TELO2: variants seen among roughly 807,000 people sequenced by gnomAD.
The protein encoded by TELO2 is telomere length regulation protein TEL2 homolog.
In TELO2, 71 loss-of-function variants were observed where a neutral mutation model predicts 91.0. The observed-to-expected ratio is 0.78, with a 90% CI of 0.64 to 0.95. TELO2 has a LOEUF of 0.95. TELO2 is among the 40% of genes least tolerant of loss of function. The probability of loss-of-function intolerance (pLI) is 0.00; values close to 1 mark genes in which losing one functional copy is unlikely to be tolerated. For missense variants in TELO2, 1,183 were observed against 1,141.3 expected (o/e 1.04, Z -0.53); for synonymous variants, 584 against 518.9 (o/e 1.13, Z -1.71).
chr16:1,508,760 G>T (rs542680010), intron 20 of TELO2, among the ~76,000 whole-genome samples: 1 of 152,172 alleles, frequency 6.6e-6, no homozygotes, highest in Non-Finnish European at 1.5e-5. Flanking sequence ...ACGAGTCCCC[G>T]GGGACGGGCT....
In TELO2 at chr16:1,505,656, A is replaced by C; in HGVS notation, c.2034+55A>C. The C allele has an allele frequency of 2.1e-6, 3 of 1,436,298 alleles. No individual in the cohort carries two copies. The highest frequency in any genetic ancestry group is 1.9e-6 in the Non-Finnish European group (2 of 1,046,420). 89.0% of individuals were successfully genotyped at this position (1,436,298 alleles called of 1,614,324 possible). A position where few individuals can be genotyped will look rare whatever the true frequency, so the allele number is the denominator to read the frequency against. On this transcript the variant is annotated intron_variant, in intron 16 of 20. Coordinates refer to ENST00000262319, the MANE Select transcript of TELO2 (RefSeq NM_016111.4). The surrounding 1 kb of genome is among the most constrained non-coding windows in gnomAD (Gnocchi z 4.3). ...GCATGGGGACCGTGGGTGGGTGGGAAGGGCGGTCAGACACCTCCAGGCGCT... is the reference window on the plus strand; with the variant it reads ...GCATGGGGACCGTGGGTGGGTGGGACGGGCGGTCAGACACCTCCAGGCGCT...
Position 1,497,554 on chromosome 16 carries a change from G to A in TELO2, c.830+46G>A. ...CCAGCTGCACTGGCTTCTGGGGTCT[G>A]GACCCCCAGAGGCTGCCATTCCTTC... is the stretch of plus-strand genomic sequence containing the variant. On this transcript the variant is annotated intron_variant, in intron 5 of 20. Coordinates refer to ENST00000262319, the MANE Select transcript of TELO2 (RefSeq NM_016111.4). The surrounding 1 kb of genome is among the most constrained non-coding windows in gnomAD (Gnocchi z 4.0). 6.6e-7 allele frequency: 1 copy of A among 1,509,798 alleles called. No homozygotes were observed. The highest frequency in any genetic ancestry group is 1.2e-5 in the South Asian group (1 of 81,636). 93.5% of individuals were successfully genotyped at this position (1,509,798 alleles called of 1,614,324 possible).
intron 19 of TELO2, 66 bp from the exon 20 acceptor site, chr16:1,507,535 C>T (rs2039940823): frequency 1.3e-6 from 2 of 1,508,414 alleles, no homozygotes; most frequent in South Asian, 1.2e-5. Context: ...GTCTGCCACA[C>T]TGAGGGGAGT....
In TELO2 at chr16:1,510,338, C is replaced by T. The variant is rs949974202; in HGVS notation, c.*402C>T. 2.1e-4 allele frequency: 51 copies of T among 240,908 alleles called. 1 individual carries two copies. In the South Asian group the frequency reaches 2.5e-3, roughly 12 times the overall value. The allele number at this position is 240,908 out of a possible 1,614,324, so 14.9% of individuals were successfully genotyped here. Reference sequence around the variant, plus strand: ...GTCCCAGGTCCCTCGGGCTGAGCGCCGTGTCACCAGGAGAATAGTGCTCAC... The same window carrying T: ...GTCCCAGGTCCCTCGGGCTGAGCGCTGTGTCACCAGGAGAATAGTGCTCAC... On this transcript the variant is annotated 3_prime_UTR_variant, in exon 21 of 21. Coordinates refer to ENST00000262319, the MANE Select transcript of TELO2 (RefSeq NM_016111.4).
intron 20 of TELO2, among the ~76,000 whole-genome samples, chr16:1,508,054 C>G (rs2039974960): frequency 1.3e-5 from 2 of 152,164 alleles, no homozygotes; most frequent in African/African-American, 4.8e-5. Flanking sequence ...GGTCCTGATC[C>G]TAGACCCTGT....
Position 1,494,717 on chromosome 16 carries a change from C to A in TELO2, c.335+101C>A. ...GAGCCTCTCTAGTCCCTGTGAGGGGCTAGAGAGAGAGCCTGCTCCTGGCTG... is the reference window on the plus strand; with the variant it reads ...GAGCCTCTCTAGTCCCTGTGAGGGGATAGAGAGAGAGCCTGCTCCTGGCTG... On this transcript the variant is annotated intron_variant, in intron 2 of 20. Transcript: ENST00000262319. The surrounding 1 kb of genome is among the most constrained non-coding windows in gnomAD (Gnocchi z 5.6). 4 of 1,255,726 alleles carry A rather than the reference C, an allele frequency of 3.2e-6. No homozygotes were observed. The highest frequency in any genetic ancestry group is 3.2e-6 in the Non-Finnish European group (3 of 926,814). The allele number at this position is 1,255,726 out of a possible 1,614,324, so 77.8% of individuals were successfully genotyped here. A position where few individuals can be genotyped will look rare whatever the true frequency, so the allele number is the denominator to read the frequency against.
chr16:1,509,658 T>C (rs993219115), intron 20 of TELO2, among the ~76,000 whole-genome samples, 172 bp from the exon 21 acceptor site: 1 of 152,220 alleles, frequency 6.6e-6, no homozygotes, highest in East Asian at 1.9e-4. Flanking sequence ...ACAGAGCCTG[T>C]GGCATGCAGG....
Position 1,504,209 on chromosome 16 carries a change from C to A in TELO2, c.1843-1201C>A, listed in dbSNP as rs191046613. Reference sequence around the variant, plus strand: ...CAGCACTTTGGGAGGCTAAGCCGGGCGGATCATGAGGTCAGGAGTTCAAGA... The same window carrying A: ...CAGCACTTTGGGAGGCTAAGCCGGGAGGATCATGAGGTCAGGAGTTCAAGA... On this transcript the variant is annotated intron_variant, in intron 15 of 20. Transcript: ENST00000262319. Among the ~76,000 whole-genome samples the A allele has an allele frequency of 1.7e-4, 26 of 150,034 alleles. No homozygotes were observed. In the East Asian group the frequency reaches 4.6e-3, roughly 26 times the overall value.
chr16:1,505,301 C>T lies in TELO2; in HGVS notation c.1843-109C>T. On this transcript the variant is annotated intron_variant, in intron 15 of 20. Transcript: ENST00000262319. The surrounding 1 kb of genome is among the most constrained non-coding windows in gnomAD (Gnocchi z 4.3). Reference sequence around the variant, plus strand: ...CTTGTTCCCAGAACACACCTTCTCCCAGGCTGGGCGGGCCCCCGGGCCCGT... The same window carrying T: ...CTTGTTCCCAGAACACACCTTCTCCTAGGCTGGGCGGGCCCCCGGGCCCGT... 7.6e-7 allele frequency: 1 copy of T among 1,320,136 alleles called. No individual in the cohort carries two copies. Among genetic ancestry groups the T allele is most frequent in the Non-Finnish European group, 1.0e-6 (1 of 971,714 alleles). 81.8% of individuals were successfully genotyped at this position (1,320,136 alleles called of 1,614,324 possible). A position where few individuals can be genotyped will look rare whatever the true frequency, so the allele number is the denominator to read the frequency against.
chr16:1,507,550 G>A (rs760750421), intron 19 of TELO2, 51 bp from the exon 20 acceptor site: 2 of 1,525,932 alleles, frequency 1.3e-6, no homozygotes, highest in Non-Finnish European at 1.8e-6. Flanking sequence ...GGGAGTGGGA[G>A]GTCTGGGGTG....
intron 20 of TELO2, 143 bp from the exon 21 acceptor site, chr16:1,509,686 GA>G (rs1303461406): frequency 7.2e-6 from 5 of 698,796 alleles, no homozygotes; most frequent in Non-Finnish European, 1.2e-5. Context: ...GCCGTGGGGA[GA>G]GTCCGGGGTC....
chr16:1,501,328 G>C (rs1287618901), intron 9 of TELO2, 92 bp from the exon 10 acceptor site: 2 of 1,389,808 alleles, frequency 1.4e-6, no homozygotes, highest in Non-Finnish European at 2.0e-6. Context: ...GGCTGCGAGG[G>C]AGGCCACAGT....
chr16:1,497,199 C>A lies in TELO2; in HGVS notation c.682+95C>A. Reference sequence around the variant, plus strand: ...CCGAGAATCCCTCCTGACCCTGGCCCTCTGCAGGGTCCCCTTGCCCGGTCC... The same window carrying A: ...CCGAGAATCCCTCCTGACCCTGGCCATCTGCAGGGTCCCCTTGCCCGGTCC... On this transcript the variant is annotated intron_variant, in intron 4 of 20. Transcript: ENST00000262319. The surrounding 1 kb of genome is among the most constrained non-coding windows in gnomAD (Gnocchi z 4.0). The A allele has an allele frequency of 1.3e-6, 2 of 1,544,354 alleles. No individual in the cohort carries two copies. Among genetic ancestry groups the A allele is most frequent in the South Asian group, 1.2e-5 (1 of 86,096 alleles).
intron 3 of TELO2, among the ~76,000 whole-genome samples, chr16:1,495,853 G>A (rs1313036510): frequency 6.6e-6 from 1 of 152,240 alleles, no homozygotes; most frequent in African/African-American, 2.4e-5. Flanking sequence ...AGTCCCTTGG[G>A]TTTCCAGGGC....
intron 15 of TELO2, among the ~76,000 whole-genome samples, chr16:1,503,549 C>T (rs1455718451): frequency 6.6e-6 from 1 of 152,186 alleles, no homozygotes; most frequent in East Asian, 1.9e-4. Context: ...GACACTGTCT[C>T]AAAGATAATT....
Position 1,495,514 on chromosome 16 carries a change from C to T in TELO2, c.504C>T (p.Gly168=). 6.2e-7 allele frequency: 1 copy of T among 1,611,060 alleles called. No homozygotes were observed. The highest frequency in any genetic ancestry group is 8.5e-7 in the Non-Finnish European group (1 of 1,179,872). ...GKVVALPDHL[G]NRLQQENLAE... is the part of the protein sequence containing the mutation. Reference sequence around the variant, plus strand: ...TGGTGGCCCTGCCCGATCACCTGGGCAACCGCCTGCAGCAGGAGAACTTGG... The same window carrying T: ...TGGTGGCCCTGCCCGATCACCTGGGTAACCGCCTGCAGCAGGAGAACTTGG... The change falls in exon 3 of 21, where the codon GGC becomes GGT. Residue 168 remains glycine (G), a synonymous_variant. Coordinates refer to ENST00000262319, the MANE Select transcript of TELO2 (RefSeq NM_016111.4).
Position 1,497,053 on chromosome 16 carries a change from G to A in TELO2, c.631G>A (p.Val211Met), listed in dbSNP as rs758024477. 2.0e-5 allele frequency: 32 copies of A among 1,613,876 alleles called. No individual in the cohort carries two copies. The highest frequency in any genetic ancestry group is 2.2e-5 in the South Asian group (2 of 91,084). Residue 211 changes from valine (V) to methionine (M), a missense_variant, in exon 4 of 21, where the codon GTG becomes ATG. Physicochemically the swap from Val to Met is conservative, Grantham distance 21. Coordinates refer to ENST00000262319, the MANE Select transcript of TELO2 (RefSeq NM_016111.4). The surrounding 1 kb of genome is among the most constrained non-coding windows in gnomAD (Gnocchi z 4.0). The stretch of plus-strand genomic sequence containing the variant: ...TGTCCCAGGTGGCCTGGATTCCTCC[G>A]TGTCCTTCGTGTCTCAGGTCCTTGG... ...DSLQGGLDSS[V>M]SFVSQVLGKA... is the part of the protein sequence containing the mutation.
intron 3 of TELO2, among the ~76,000 whole-genome samples, chr16:1,496,529 G>A (rs990459661): frequency 6.6e-6 from 1 of 152,238 alleles, no homozygotes; most frequent in African/African-American, 2.4e-5. Context: ...GGCTGGGGCC[G>A]TCCTGGTCCC....
intron 15 of TELO2, among the ~76,000 whole-genome samples, chr16:1,504,644 C>A (rs570299301): frequency 6.1e-5 from 9 of 147,264 alleles, no homozygotes; most frequent in East Asian, 4.2e-4. Flanking sequence ...TGCAAGCTCC[C>A]CCTCCCGGGT....
Sources: gnomAD v4.1 joint callset for allele counts (sites outside exome capture counted in the v4.1 genomes callset) on GRCh38, gnomAD v4.1.1 for gene constraint, Gnocchi (gnomAD v3.1) non-coding constraint, MANE v1.5 for transcripts, NCBI Gene and HGNC (gene_info 2026-07-23, HGNC 2026-07-21) for gene names.